GNL3L: variants seen among roughly 807,000 people sequenced by gnomAD.
GNL3L encodes the protein guanine nucleotide-binding protein-like 3-like protein.
In GNL3L, 4 loss-of-function variants were observed where a neutral mutation model predicts 42.9. That is an observed-to-expected ratio of 0.09 (90% CI 0.05 to 0.21). The LOEUF (loss-of-function observed/expected upper bound fraction) is 0.21. Ranked by LOEUF, GNL3L falls within the 10% of genes least tolerant of loss-of-function variation. The pLI is 1.00. For synonymous variants in GNL3L, 159 were observed against 176.3 expected (o/e 0.90, Z 0.78); for missense variants, 412 against 481.7 (o/e 0.86, Z 1.36).
chrX:54,560,915 C>A lies in GNL3L; in HGVS notation c.*313C>A. The A allele has an allele frequency of 7.0e-6, 1 of 142,171 alleles. No homozygotes were observed. The allele number at this position is 142,171 out of a possible 1,213,427, so 11.7% of individuals were successfully genotyped here. A position where few individuals can be genotyped will look rare whatever the true frequency, so the allele number is the denominator to read the frequency against. ...AAAATTTAGCCGTGCTTAGTGGCAC[C>A]TATAATCCCAGCTACTTGGGAGGCT... On this transcript the variant is annotated 3_prime_UTR_variant, in exon 16 of 16. Coordinates refer to ENST00000360845, the MANE Select transcript of GNL3L (RefSeq NM_001184819.2).
At chrX:54,559,676 C>T (rs1331790672) in intron 15 of GNL3L, among the ~76,000 whole-genome samples, 1 of 111,659 alleles carries the variant, frequency 9.0e-6, no homozygotes, top group Non-Finnish European at 1.9e-5. Flanking sequence ...AAAGTCTTCC[C>T]CTTATTTGAT....
the GNL3L span, among the ~76,000 whole-genome samples, chrX:54,644,880 C>T: frequency 2.7e-5 from 3 of 111,421 alleles, no homozygotes; most frequent in Admixed American, 1.9e-4. Flanking sequence ...TTTATAATAT[C>T]GAATCTTCCT....
chrX:54,618,786 A>C (rs745997288), intron 16 of GNL3L, among the ~76,000 whole-genome samples: 1 of 111,535 alleles, frequency 9.0e-6, no homozygotes, highest in Admixed American at 9.5e-5. Context: ...CATCCCAGCT[A>C]CTTGGGAGGC....
chrX:54,640,253 C>G, the GNL3L span, among the ~76,000 whole-genome samples: 9 of 111,185 alleles, frequency 8.1e-5, no homozygotes, highest in Admixed American at 1.9e-4. Flanking sequence ...AAGGAAAAGA[C>G]TGAAAAAACG....
chrX:54,629,842 T>G, the GNL3L span, among the ~76,000 whole-genome samples: 1 of 112,033 alleles, frequency 8.9e-6, no homozygotes, highest in Non-Finnish European at 1.9e-5. Context: ...TGGTACCAAT[T>G]CTTTGACTGT....
intron 16 of GNL3L, among the ~76,000 whole-genome samples, chrX:54,583,166 A>G (rs903364264): frequency 9.0e-6 from 1 of 110,833 alleles, no homozygotes; most frequent in Non-Finnish European, 1.9e-5. Context: ...TTAAAATTTG[A>G]TGAGGTCCTA....
chrX:54,634,508 C>G, the GNL3L span, among the ~76,000 whole-genome samples: 1 of 110,304 alleles, frequency 9.1e-6, no homozygotes, highest in Non-Finnish European at 1.9e-5. Flanking sequence ...GAGACGGAGT[C>G]TTGCTCTGTC....
chrX:54,567,771 G>T (rs1416033150), downstream of GNL3L, among the ~76,000 whole-genome samples: 1 of 110,794 alleles, frequency 9.0e-6, no homozygotes, highest in Non-Finnish European at 1.9e-5. Context: ...TTACTAGTAT[G>T]AGGTGCTAAG....
At chrX:54,596,273 A>T (rs906171523) in intron 16 of GNL3L, among the ~76,000 whole-genome samples, 1 of 112,055 alleles carries the variant, frequency 8.9e-6, no homozygotes, top group African/African-American at 3.2e-5. Context: ...CTGCTTTAAA[A>T]GGCACCCAAG....
chrX:54,611,558 C>G (rs773881088), intron 16 of GNL3L, among the ~76,000 whole-genome samples: 10 of 111,630 alleles, frequency 9.0e-5, no homozygotes, highest in Non-Finnish European at 1.9e-4. Flanking sequence ...TCATTATTCT[C>G]TCAGTTCAAA....
chrX:54,605,073 C>T (rs748039994), intron 16 of GNL3L, among the ~76,000 whole-genome samples: 2 of 111,092 alleles, frequency 1.8e-5, no homozygotes, highest in South Asian at 3.9e-4. Context: ...AGAAATGTGA[C>T]GTTGCACAGT....
intron 14 of GNL3L, among the ~76,000 whole-genome samples, chrX:54,557,653 C>T (rs1925137807): frequency 2.7e-5 from 3 of 110,121 alleles, no homozygotes; most frequent in Admixed American, 9.7e-5. Context: ...AGGCTGGTCT[C>T]GAACTCCTGA....
intron 16 of GNL3L, among the ~76,000 whole-genome samples, chrX:54,595,764 G>A (rs1485500155): frequency 2.7e-5 from 3 of 111,421 alleles, no homozygotes; most frequent in African/African-American, 9.8e-5. Context: ...TTTTCAAATA[G>A]CCTGTTCTCA....
chrX:54,549,767 T>A (rs772595970), intron 9 of GNL3L, among the ~76,000 whole-genome samples: 3 of 111,984 alleles, frequency 2.7e-5, no homozygotes, highest in African/African-American at 9.8e-5. Context: ...CCCTCGAACA[T>A]AATCACATAC....
intron 16 of GNL3L, among the ~76,000 whole-genome samples, chrX:54,577,213 A>C (rs1188636979): frequency 8.9e-6 from 1 of 112,347 alleles, no homozygotes; most frequent in African/African-American, 3.2e-5. Flanking sequence ...AGGTTCATCC[A>C]TGTTGTAACA....
In GNL3L at chrX:54,563,047, T is replaced by C. The variant is rs1047966513; in HGVS notation, c.*2445T>C. Among the ~76,000 whole-genome samples the C allele has an allele frequency of 2.7e-5, 3 of 111,806 alleles. No homozygotes were observed. Among genetic ancestry groups the C allele is most frequent in the Non-Finnish European group, 5.6e-5 (3 of 53,259 alleles). Reference sequence around the variant, plus strand: ...AAACTCTAGTTTCTTAAACTACTAGTTTTTAGTGTCTTGCTAAAACTATGT... The same window carrying C: ...AAACTCTAGTTTCTTAAACTACTAGCTTTTAGTGTCTTGCTAAAACTATGT... On this transcript the variant is annotated 3_prime_UTR_variant, in exon 16 of 16. Transcript: ENST00000360845.
chrX:54,640,416 A>G, the GNL3L span, among the ~76,000 whole-genome samples: 1 of 112,239 alleles, frequency 8.9e-6, no homozygotes, highest in Non-Finnish European at 1.9e-5. Context: ...GTCAGAGTGT[A>G]CACACAACCC....
the GNL3L span, among the ~76,000 whole-genome samples, chrX:54,644,090 C>G: frequency 8.9e-6 from 1 of 111,971 alleles, no homozygotes; most frequent in African/African-American, 3.2e-5. Context: ...GTGCAGATAT[C>G]TCTCCAATAT....
chrX:54,548,198 C>T (rs1325921022), intron 8 of GNL3L, 31 bp from the exon 9 acceptor site: 4 of 1,185,797 alleles, frequency 3.4e-6, no homozygotes, highest in Admixed American at 2.2e-5. Flanking sequence ...CACCTGATGT[C>T]TCTTCTGTGA....
Sources: gnomAD v4.1 joint callset for allele counts (sites outside exome capture counted in the v4.1 genomes callset) on GRCh38, gnomAD v4.1.1 for gene constraint, MANE v1.5 for transcripts, NCBI Gene and HGNC (gene_info 2026-07-23, HGNC 2026-07-21) for gene names.